MINPP1: variants seen among roughly 807,000 people sequenced by gnomAD.
The protein encoded by MINPP1 is multiple inositol-polyphosphate phosphatase 1.
In MINPP1, 28 loss-of-function variants were observed where a neutral mutation model predicts 46.1. The observed-to-expected ratio is 0.61, with a 90% CI of 0.45 to 0.83. The LOEUF (loss-of-function observed/expected upper bound fraction) is 0.83, where lower values mean the gene tolerates loss of function less well. Among genes scored for constraint, MINPP1 ranks in the 40% least tolerant of loss-of-function variants. The pLI is 0.00. For missense variants in MINPP1, 603 were observed against 610.0 expected, an observed-to-expected ratio of 0.99 and a Z score of 0.12; for synonymous variants, 268 against 249.1, an observed-to-expected ratio of 1.08 and a Z score of -0.72.
chr10:87,515,157 C>T (rs570431924), intron 3 of MINPP1, among the ~76,000 whole-genome samples: 113 of 151,736 alleles, frequency 7.4e-4, no homozygotes, highest in African/African-American at 2.6e-3. Flanking sequence ...GCGGCCAAGG[C>T]GGGTGGATCA....
chr10:87,521,134 T>G lies in MINPP1; in HGVS notation c.1032T>G (p.Phe344Leu). The part of the protein sequence containing the change: ...RSSCTLFQDI[F>L]QHLDKAVEQK... ...GCTGCACCTTGTTTCAGGATATCTT[T>G]CAGCACTTGGACAAAGCAGTTGAAC... Residue 344 changes from phenylalanine to leucine, a missense_variant, in exon 4 of 5, where the codon TTT becomes TTG. Physicochemically the swap from Phe to Leu is conservative, Grantham distance 22. This residue lies in a region of MINPP1 where 344 missense variants were observed against 381.1 expected (regional missense o/e 0.90). Transcript: ENST00000371996. 1.2e-6 allele frequency: 2 copies of G among 1,611,786 alleles called. No homozygotes were observed. The highest frequency in any genetic ancestry group is 1.7e-6 in the Non-Finnish European group (2 of 1,178,452).
At chr10:87,534,171 G>A (rs1304918457) in intron 4 of MINPP1, among the ~76,000 whole-genome samples, 1 of 145,840 alleles carries the variant, frequency 6.9e-6, no homozygotes, top group African/African-American at 2.5e-5. Context: ...TCATGCCTCA[G>A]CCTCCCAAGT....
intron 4 of MINPP1, among the ~76,000 whole-genome samples, chr10:87,536,729 A>G: frequency 6.6e-6 from 1 of 152,226 alleles, no homozygotes; most frequent in Non-Finnish European, 1.5e-5. Flanking sequence ...GATGAATCTA[A>G]TAGTTCATTC....
intron 1 of MINPP1, chr10:87,508,134 T>C (rs1003878017): frequency 1.1e-4 from 173 of 1,529,364 alleles, no homozygotes; most frequent in Non-Finnish European, 1.4e-4. Flanking sequence ...TTTAGCCTTT[T>C]CTAGCTATTC....
rs750851143 is a variant in MINPP1, at chr10:87,552,159, G to A, written c.1145G>A (p.Gly382Asp). 1 of 1,613,628 alleles carries A rather than the reference G, an allele frequency of 6.2e-7. No individual in the cohort carries two copies. Among genetic ancestry groups the A allele is most frequent in the South Asian group, 1.1e-5 (1 of 91,066 alleles). Residue 382 changes from glycine to aspartate, a missense_variant, in exon 5 of 5, where the codon GGC becomes GAC. Gly to Asp is a moderately conservative substitution (Grantham distance 94, BLOSUM62 -1). Coordinates refer to ENST00000371996, the MANE Select transcript of MINPP1 (RefSeq NM_004897.5). ...ETLLPLLSLMGYFKDKEPLTA... is the reference protein window; with the variant it reads ...ETLLPLLSLMDYFKDKEPLTA... ...CTTCTTCCACTGCTTTCTCTCATGG[G>A]CTACTTCAAAGACAAGGAACCCCTA...
intron 2 of MINPP1, among the ~76,000 whole-genome samples, chr10:87,509,283 A>G (rs776803441): frequency 6.6e-6 from 1 of 152,202 alleles, no homozygotes; most frequent in African/African-American, 2.4e-5. Context: ...ATTAATTTCC[A>G]AAAGACTGGA....
rs1183462822 is a variant in MINPP1 at position 87,505,193 on chromosome 10, A to G, written c.278A>G (p.Tyr93Cys). 1.9e-6 allele frequency: 3 copies of G among 1,609,544 alleles called. No individual in the cohort carries two copies. The highest frequency in any genetic ancestry group is 2.2e-5 in the South Asian group (2 of 90,500). The stretch of plus-strand genomic sequence containing the variant: ...GCCCTCATTCGCCACGGCACCCGCT[A>G]CCCCACGGTCAAACAGATCCGCAAG... ...LVALIRHGTRYPTVKQIRKLR... is the reference protein window; with the variant it reads ...LVALIRHGTRCPTVKQIRKLR... Residue 93 changes from tyrosine to cysteine, a missense_variant, in exon 1 of 5, where the codon TAC becomes TGC. Around this residue, in one of 3 missense-constraint regions of MINPP1, gnomAD observed 239 missense variants for 189.4 expected, o/e 1.26. Transcript: ENST00000371996. This position sits in a 1 kb window ranked among gnomAD's most constrained non-coding sequence, Gnocchi z 4.4.
chr10:87,525,240 C>T (rs1005595620), intron 4 of MINPP1, among the ~76,000 whole-genome samples: 4 of 152,184 alleles, frequency 2.6e-5, no homozygotes, highest in Non-Finnish European at 5.9e-5. Context: ...ACATTTTCAT[C>T]GCCTCAAAAA....
intron 2 of MINPP1, among the ~76,000 whole-genome samples, chr10:87,509,977 T>C (rs1250591776): frequency 6.6e-6 from 1 of 152,226 alleles, no homozygotes; most frequent in African/African-American, 2.4e-5. Flanking sequence ...GACAGCAACT[T>C]CTTTTTGGAA....
At chr10:87,541,518 T>A (rs1287830104) in intron 4 of MINPP1, among the ~76,000 whole-genome samples, 2 of 152,192 alleles carry the variant, frequency 1.3e-5, no homozygotes, top group Admixed American at 6.5e-5. Context: ...CAAACCCTGT[T>A]TTTCCTCTGC....
intron 1 of MINPP1, chr10:87,507,746 T>A: frequency 1.4e-6 from 1 of 727,178 alleles, no homozygotes; most frequent in Non-Finnish European, 1.7e-6. Flanking sequence ...TTAAATTTTA[T>A]ATAGAAAGTT....
At chr10:87,550,228 A>T (rs1312335409) in intron 4 of MINPP1, among the ~76,000 whole-genome samples, 1 of 152,228 alleles carries the variant, frequency 6.6e-6, no homozygotes, top group African/African-American at 2.4e-5. Context: ...TGTAAAATTT[A>T]AAAATACTTA....
At chr10:87,510,160 A>G (rs1851314980) in intron 2 of MINPP1, among the ~76,000 whole-genome samples, 1 of 152,260 alleles carries the variant, frequency 6.6e-6, no homozygotes, top group Non-Finnish European at 1.5e-5. Flanking sequence ...CTTGTCTTAT[A>G]GGATTATTGC....
intron 4 of MINPP1, among the ~76,000 whole-genome samples, chr10:87,540,495 T>TCACACACACACACA (rs3062345): frequency 9.4e-5 from 14 of 149,060 alleles, no homozygotes; most frequent in African/African-American, 3.2e-4. Context: ...TCTCTCTCTG[T>TCACACACACACACA]CACACACACA....
At position 87,504,993 on chromosome 10, in the gene MINPP1, G is replaced by A. The variant is rs1282907291; in HGVS notation, c.78G>A (p.Ser26=). 1 of 1,612,630 alleles carries A rather than the reference G, an allele frequency of 6.2e-7. No individual in the cohort carries two copies. Among genetic ancestry groups the A allele is most frequent in the Admixed American group, 1.7e-5 (1 of 59,992 alleles). ...AAALAAALLS[S]LARCSLLEPR... Reference sequence around the variant, plus strand: ...CCCTGGCTGCGGCGCTGCTCTCGTCGCTTGCGCGCTGCTCTCTTCTAGAGC... The same window carrying A: ...CCCTGGCTGCGGCGCTGCTCTCGTCACTTGCGCGCTGCTCTCTTCTAGAGC... Residue 26 remains serine, a synonymous_variant, in exon 1 of 5, where the codon TCG becomes TCA. Transcript: ENST00000371996.
At chr10:87,506,099 A>G (rs1851245867) in intron 1 of MINPP1, among the ~76,000 whole-genome samples, 1 of 151,082 alleles carries the variant, frequency 6.6e-6, no homozygotes, top group Admixed American at 6.6e-5. Flanking sequence ...ACCTGATCTC[A>G]AGCCTTTGTG....
intron 4 of MINPP1, among the ~76,000 whole-genome samples, chr10:87,530,975 G>A (rs1200442219): frequency 1.3e-5 from 2 of 152,194 alleles, no homozygotes; most frequent in African/African-American, 4.8e-5. Flanking sequence ...AGTGAGCGAG[G>A]CTCTGTGGGC....
At chr10:87,521,274 TA>T (rs1425740090) in intron 4 of MINPP1, 105 bp downstream of exon 4, 3 of 888,824 alleles carry the variant, frequency 3.4e-6, no homozygotes, top group Non-Finnish European at 5.3e-6. Flanking sequence ...GCTTGTGTTT[TA>T]AAAAAATTTT....
At chr10:87,527,153 C>T (rs1337305552) in intron 4 of MINPP1, among the ~76,000 whole-genome samples, 10 of 152,282 alleles carry the variant, frequency 6.6e-5, no homozygotes, top group Non-Finnish European at 1.0e-4. Context: ...ACCATTTTCA[C>T]TATATTGATT....
Sources: gnomAD v4.1 joint callset for allele counts (sites outside exome capture counted in the v4.1 genomes callset) on GRCh38, gnomAD v4.1.1 for gene constraint, gnomAD v4.1.1 regional missense constraint, Gnocchi (gnomAD v3.1) non-coding constraint, MANE v1.5 for transcripts, NCBI Gene and HGNC (gene_info 2026-07-23, HGNC 2026-07-21) for gene names.